Variants in MFSD6 observed in about 807,000 individuals in gnomAD.
MFSD6 encodes major facilitator superfamily domain-containing protein 6.
MFSD6 carries 26 observed loss-of-function variants against 56.3 expected under a neutral mutation model. The observed-to-expected ratio is 0.46, with a 90% CI of 0.34 to 0.64. The LOEUF (loss-of-function observed/expected upper bound fraction) is 0.64. MFSD6 is among the 30% of genes least tolerant of loss of function. MFSD6 has a pLI of 0.01. For synonymous variants in MFSD6, 331 were observed against 366.9 expected (o/e 0.90, Z 1.12); for missense variants, 750 against 986.2 (o/e 0.76, Z 3.21).
At chr2:190,435,258 G>A (rs1365535917) in intron 2 of MFSD6, 2 of 152,078 alleles carry the variant, frequency 1.3e-5, no homozygotes, top group African/African-American at 4.8e-5. Flanking sequence ...AAGATAATAG[G>A]GCTATTGTGA....
Position 190,436,797 on chromosome 2 carries a change from C to A in MFSD6, c.768C>A (p.Thr256=). The A allele has an allele frequency of 6.2e-7, 1 of 1,614,140 alleles. No homozygotes were observed. Among genetic ancestry groups the A allele is most frequent in the Non-Finnish European group, 8.5e-7 (1 of 1,180,028 alleles). The change falls in exon 3 of 8, where the codon ACC becomes ACA. Residue 256 remains threonine, a synonymous_variant. Transcript: ENST00000392328. This position sits in a 1 kb window ranked among gnomAD's most constrained non-coding sequence, Gnocchi z 5.3. ...CCCCTGTCTCCCCAGGAAGCGTAAC[C>A]AAGGAGACAACCACTGTTATTGTTA... ...TATPVSPGSV[T]KETTTVIVTT...
chr2:190,408,096 G>A (rs1162119201), upstream of MFSD6, among the ~76,000 whole-genome samples: 2 of 152,054 alleles, frequency 1.3e-5, no homozygotes, highest in African/African-American at 4.8e-5. Context: ...GAGGCCGGGA[G>A]CGGGCAGTCG....
In MFSD6 at chr2:190,447,136, T is replaced by C. The variant is rs187037870; in HGVS notation, c.1532+9575T>C. Among the ~76,000 whole-genome samples the C allele has an allele frequency of 7.8e-4, 119 of 152,136 alleles. 1 individual carries two copies. The highest frequency in any genetic ancestry group is 2.6e-3 in the African/African-American group (109 of 41,454). On this transcript the variant is annotated intron_variant, in intron 3 of 7. Coordinates refer to ENST00000392328, the MANE Select transcript of MFSD6 (RefSeq NM_017694.4). The surrounding 1 kb of genome is among the most constrained non-coding windows in gnomAD (Gnocchi z 4.5). ...TGTCTTGACACACAAAATATAAAAA[T>C]ATTAGCGCACTCAAGGTGTCTGACA...
intron 1 of MFSD6, among the ~76,000 whole-genome samples, chr2:190,409,940 C>T (rs527495564): frequency 6.6e-6 from 1 of 152,242 alleles, no homozygotes; most frequent in Admixed American, 6.5e-5. Flanking sequence ...GAGCCCAGTG[C>T]AGGATGCTCT....
intron 4 of MFSD6, among the ~76,000 whole-genome samples, chr2:190,483,178 C>A (rs1259588282): frequency 1.3e-5 from 2 of 151,706 alleles, no homozygotes; most frequent in African/African-American, 4.8e-5. Flanking sequence ...AGGCGTGAGC[C>A]ACCGCGCCCG....
rs113128130 is a variant in MFSD6 at position 190,490,527 on chromosome 2, C to A, written c.1891+661C>A. 6.6e-6 allele frequency among the ~76,000 whole-genome samples: 1 copy of A among 151,530 alleles called. No individual in the cohort carries two copies. The highest frequency in any genetic ancestry group is 2.4e-5 in the African/African-American group (1 of 41,232). On this transcript the variant is annotated intron_variant, in intron 6 of 7. Coordinates refer to ENST00000392328, the MANE Select transcript of MFSD6 (RefSeq NM_017694.4). The surrounding 1 kb of genome is among the most constrained non-coding windows in gnomAD (Gnocchi z 4.5). ...GCAGTGAGCCGAGATAGCACCACTG[C>A]AGTCCAGCCTGGGGGAACGAGCAAG... is the stretch of plus-strand genomic sequence containing the variant.
rs1168365953 is a variant in MFSD6 at position 190,412,993 on chromosome 2, G to A, written c.-175-2299G>A. On this transcript the variant is annotated intron_variant, in intron 1 of 7. Coordinates refer to ENST00000392328, the MANE Select transcript of MFSD6 (RefSeq NM_017694.4). This position sits in a 1 kb window ranked among gnomAD's most constrained non-coding sequence, Gnocchi z 4.1. ...AACCAAATAATAAATAATTACAAAC[G>A]TGGAACACCTAAACCTTGAGCCTAT... 1.3e-5 allele frequency among the ~76,000 whole-genome samples: 2 copies of A among 152,156 alleles called. No individual in the cohort carries two copies. Among genetic ancestry groups the A allele is most frequent in the South Asian group, 2.1e-4 (1 of 4,808 alleles).
rs1446352466 is a variant in MFSD6, at chr2:190,475,410, A to G, written c.1630+5555A>G. ...ATGTGCAAAAATCACAAGCATTCTT[A>G]TATACCAGTAACAGCCAAACACCCA... On this transcript the variant is annotated intron_variant, in intron 4 of 7. Transcript: ENST00000392328. 2.6e-5 allele frequency among the ~76,000 whole-genome samples: 4 copies of G among 152,222 alleles called. 1 individual carries two copies. Among genetic ancestry groups the G allele is most frequent in the African/African-American group, 4.8e-5 (2 of 41,446 alleles).
chr2:190,413,537 G>A lies in MFSD6; in HGVS notation c.-175-1755G>A, dbSNP rs559195920. 5.3e-5 allele frequency among the ~76,000 whole-genome samples: 8 copies of A among 152,126 alleles called. No homozygotes were observed. In the East Asian group the frequency reaches 1.2e-3, roughly 22 times the overall value. On this transcript the variant is annotated intron_variant, in intron 1 of 7. Transcript: ENST00000392328. The surrounding 1 kb of genome is among the most constrained non-coding windows in gnomAD (Gnocchi z 4.1). ...CATTTTGATCTGAGACCAAGAGTGG[G>A]ATGGGGGAAAGACAGGGAAAGACAG...
At position 190,437,350 on chromosome 2, in the gene MFSD6, C is replaced by T; in HGVS notation, c.1321C>T (p.Leu441=). The part of the protein sequence containing the change: ...QAFNFWDLIK[L]LCSVQYGSVL... ...CTTCAACTTTTGGGACTTAATCAAG[C>T]TGCTCTGCAGCGTGCAGTATGGCTC... Residue 441 remains leucine (L), a synonymous_variant, in exon 3 of 8, where the codon CTG becomes TTG. Coordinates refer to ENST00000392328, the MANE Select transcript of MFSD6 (RefSeq NM_017694.4). This position sits in a 1 kb window ranked among gnomAD's most constrained non-coding sequence, Gnocchi z 5.9. 2 of 1,614,274 alleles carry T rather than the reference C, an allele frequency of 1.2e-6. No individual in the cohort carries two copies. The highest frequency in any genetic ancestry group is 1.7e-6 in the Non-Finnish European group (2 of 1,180,052).
chr2:190,437,338 G>A lies in MFSD6; in HGVS notation c.1309G>A (p.Asp437Asn). ...TSHSQAFNFW[D>N]LIKLLCSVQY... ...CCACTCGCAGGCCTTCAACTTTTGGGACTTAATCAAGCTGCTCTGCAGCGT... is the reference window on the plus strand; with the variant it reads ...CCACTCGCAGGCCTTCAACTTTTGGAACTTAATCAAGCTGCTCTGCAGCGT... The change falls in exon 3 of 8, where the codon GAC becomes AAC. Residue 437 changes from aspartate (D) to asparagine (N), a missense_variant. By Grantham distance (23) the Asp-to-Asn change is conservative (BLOSUM62 1). Transcript: ENST00000392328. This position sits in a 1 kb window ranked among gnomAD's most constrained non-coding sequence, Gnocchi z 5.9. 1 of 1,614,256 alleles carries A rather than the reference G, an allele frequency of 6.2e-7. No homozygotes were observed. Among genetic ancestry groups the A allele is most frequent in the Non-Finnish European group, 8.5e-7 (1 of 1,180,042 alleles).
intron 4 of MFSD6, chr2:190,477,509 C>A: frequency 3.9e-6 from 1 of 254,982 alleles, no homozygotes; most frequent in Non-Finnish European, 6.2e-6. Context: ...AAGAGAACAT[C>A]CATGAAACGG....
At chr2:190,470,230 G>GA (rs1405574722) in intron 4 of MFSD6, among the ~76,000 whole-genome samples, 1 of 152,094 alleles carries the variant, frequency 6.6e-6, no homozygotes, top group African/African-American at 2.4e-5. Flanking sequence ...TATAGTTACT[G>GA]AAAAAAAGAT....
At chr2:190,453,552 A>G (rs1327757419) in intron 3 of MFSD6, among the ~76,000 whole-genome samples, 1 of 152,232 alleles carries the variant, frequency 6.6e-6, no homozygotes, top group Non-Finnish European at 1.5e-5. Flanking sequence ...TACTTCTGGA[A>G]GCAGTGCCAT....
At chr2:190,411,501 G>A in intron 1 of MFSD6, 1 of 985,340 alleles carries the variant, frequency 1.0e-6, no homozygotes, top group Non-Finnish European at 1.2e-6. Flanking sequence ...GGAGAAAAGA[G>A]GATGTTTTTG....
chr2:190,472,343 A>C (rs1272132241), intron 4 of MFSD6, among the ~76,000 whole-genome samples: 2 of 152,142 alleles, frequency 1.3e-5, no homozygotes, highest in African/African-American at 4.8e-5. Context: ...CCTTGAAAAA[A>C]GATTAGATGA....
chr2:190,447,742 T>C lies in MFSD6; in HGVS notation c.1532+10181T>C, dbSNP rs1686635613. On this transcript the variant is annotated intron_variant, in intron 3 of 7. Transcript: ENST00000392328. The surrounding 1 kb of genome is among the most constrained non-coding windows in gnomAD (Gnocchi z 4.5). ...ACCCATTTCTGGAGGAAAAGCCCCT[T>C]GGAGCTATTTAAAATACAGGTTCTC... 6.6e-6 allele frequency among the ~76,000 whole-genome samples: 1 copy of C among 152,192 alleles called. No individual in the cohort carries two copies. Among genetic ancestry groups the C allele is most frequent in the Non-Finnish European group, 1.5e-5 (1 of 68,024 alleles).
rs1689843184 is a variant in MFSD6, at chr2:190,498,621, A to C, written c.2172+902A>C. 6.6e-6 allele frequency among the ~76,000 whole-genome samples: 1 copy of C among 152,228 alleles called. No homozygotes were observed. The highest frequency in any genetic ancestry group is 1.5e-5 in the Non-Finnish European group (1 of 68,044). On this transcript the variant is annotated intron_variant, in intron 7 of 7. Coordinates refer to ENST00000392328, the MANE Select transcript of MFSD6 (RefSeq NM_017694.4). The surrounding 1 kb of genome is among the most constrained non-coding windows in gnomAD (Gnocchi z 5.9). ...TGATCCTATTTATTAATTTATCAAG[A>C]TAATAAACTCACATCATTACTCTGC...
chr2:190,463,195 GAAAACAA>G lies in MFSD6; in HGVS notation c.1533-6561_1533-6555del, dbSNP rs1559125406. 1.3e-5 allele frequency among the ~76,000 whole-genome samples: 2 copies of G among 152,174 alleles called. No homozygotes were observed. The highest frequency in any genetic ancestry group is 2.4e-5 in the African/African-American group (1 of 41,430). ...GCTGGGAGGAGGGGGACAGTTATGA[GAAAACAA>G]ATTTTCTAGACTAAGATTTAATTCT... On this transcript the variant is annotated intron_variant, in intron 3 of 7. Transcript: ENST00000392328. This position sits in a 1 kb window ranked among gnomAD's most constrained non-coding sequence, Gnocchi z 4.4.
Sources: gnomAD v4.1 joint callset for allele counts (sites outside exome capture counted in the v4.1 genomes callset) on GRCh38, gnomAD v4.1.1 for gene constraint, Gnocchi (gnomAD v3.1) non-coding constraint, MANE v1.5 for transcripts, NCBI Gene and HGNC (gene_info 2026-07-23, HGNC 2026-07-21) for gene names.